The following ELOC variants were observed in gnomAD, a reference collection of about 807,000 sequenced individuals.
The protein encoded by ELOC is elongin-C.
For missense variants in ELOC, 38 were observed against 139.0 expected (o/e 0.27, Z 3.65); for synonymous variants, 40 against 51.3 (o/e 0.78, Z 0.94).
At chr8:73,968,235 C>T (rs532535078) in intron 1 of ELOC, among the ~76,000 whole-genome samples, 28 of 152,158 alleles carry the variant, frequency 1.8e-4, no homozygotes, top group Admixed American at 6.6e-4. Context: ...CAATTGGACT[C>T]AATTATGTCC....
Position 73,946,246 on chromosome 8 carries a change from A to G in ELOC, c.*384T>C, listed in dbSNP as rs1373311723. On this transcript the variant is annotated 3_prime_UTR_variant, in exon 4 of 4. Transcript: ENST00000520242. The stretch of plus-strand genomic sequence containing the variant: ...TAGTAATGCTAATGGCGGCTATAAG[A>G]TTAGGTTTCTAAAAAACCACTAAAA... 1 of 159,874 alleles carries G rather than the reference A, an allele frequency of 6.3e-6. No individual in the cohort carries two copies. Among genetic ancestry groups the G allele is most frequent in the Non-Finnish European group, 1.4e-5 (1 of 72,992 alleles). 9.9% of individuals were successfully genotyped at this position (159,874 alleles called of 1,614,324 possible). A position where few individuals can be genotyped will look rare whatever the true frequency, so the allele number is the denominator to read the frequency against.
Position 73,963,806 on chromosome 8 carries a change from G to A in ELOC, c.-50-3988C>T, listed in dbSNP as rs535561712. Among the ~76,000 whole-genome samples the A allele has an allele frequency of 4.6e-5, 7 of 152,210 alleles. No individual in the cohort carries two copies. The East Asian group carries it at 1.2e-3, about 25-fold the overall frequency. ...AGCTTAGACAGGTATAAAAATGCTT[G>A]ATGGGGCTGGGTGTGATGGCTCACG... On this transcript the variant is annotated intron_variant, in intron 1 of 3. Transcript: ENST00000520242.
At position 73,956,049 on chromosome 8, in the gene ELOC, C is replaced by T. The variant is rs751232384; in HGVS notation, c.10G>A (p.Glu4Lys). The T allele has an allele frequency of 6.2e-7, 1 of 1,611,708 alleles. No individual in the cohort carries two copies. The highest frequency in any genetic ancestry group is 8.5e-7 in the Non-Finnish European group (1 of 1,178,356). MDG[E>K]EKTYGGCEGP... The stretch of plus-strand genomic sequence containing the variant: ...TCACAGCCACCATAGGTTTTCTCCT[C>T]TCCATCTAAAGTAAAGTAAGTAGTG... The change falls in exon 3 of 4, where the codon GAG becomes AAG. Residue 4 changes from glutamate (E) to lysine (K), a missense_variant. Transcript: ENST00000520242.
At chr8:73,954,911 G>A (rs1222564018) in intron 3 of ELOC, among the ~76,000 whole-genome samples, 2 of 150,720 alleles carry the variant, frequency 1.3e-5, no homozygotes, top group South Asian at 2.1e-4. Flanking sequence ...GTAGGTGCCT[G>A]TAATCCCAGC....
intron 3 of ELOC, among the ~76,000 whole-genome samples, chr8:73,951,391 C>A (rs1214831385): frequency 6.6e-6 from 1 of 152,096 alleles, no homozygotes; most frequent in Admixed American, 6.5e-5. Context: ...TGTGGCCACA[C>A]ACAGTGGCTC....
intron 1 of ELOC, chr8:73,971,827 C>G (rs1316032232): frequency 3.9e-5 from 6 of 152,388 alleles, no homozygotes; most frequent in African/African-American, 1.4e-4. Flanking sequence ...AAGGCCCAGT[C>G]TCGCTGGCTG....
At position 73,945,965 on chromosome 8, in the gene ELOC, A is replaced by T. The variant is rs914701214; in HGVS notation, c.*665T>A. 2 of 152,226 alleles carry T rather than the reference A, an allele frequency of 1.3e-5. No individual in the cohort carries two copies. Among genetic ancestry groups the T allele is most frequent in the East Asian group, 3.8e-4 (2 of 5,200 alleles). 9.4% of individuals were successfully genotyped at this position (152,226 alleles called of 1,614,324 possible). A position where few individuals can be genotyped will look rare whatever the true frequency, so the allele number is the denominator to read the frequency against. On this transcript the variant is annotated 3_prime_UTR_variant, in exon 4 of 4. Transcript: ENST00000520242. ...AAATGTATAATGCACAAGAACTCTA[A>T]GTCATGTAGTTTACTTGCTGACCAT...
intron 2 of ELOC, among the ~76,000 whole-genome samples, chr8:73,956,641 C>T (rs1173294602): frequency 7.4e-6 from 1 of 135,308 alleles, no homozygotes; most frequent in African/African-American, 3.1e-5. Context: ...CAAAGCAGCC[C>T]ATTCAAATTT....
rs1814150590 is a variant in ELOC at position 73,955,983 on chromosome 8, C to T, written c.76G>A (p.Gly26Ser). The stretch of plus-strand genomic sequence containing the variant: ...TCTCTTTTTACAATAAATTCATGGC[C>T]ATCAGATGATATCAATTTGACATAC... ...AMYVKLISSD[G>S]HEFIVKREHA... Residue 26 changes from glycine to serine, a missense_variant, in exon 3 of 4, where the codon GGC becomes AGC. Transcript: ENST00000520242. 6.2e-7 allele frequency: 1 copy of T among 1,613,908 alleles called. No homozygotes were observed. The highest frequency in any genetic ancestry group is 8.5e-7 in the Non-Finnish European group (1 of 1,179,918).
chr8:73,946,038 C>T lies in ELOC; in HGVS notation c.*592G>A, dbSNP rs985696101. ...TGCAAAAGCTGTACCTAGTAACCTTCCAAAATTGTTTTTAAATAAAGTTCT... is the reference window on the plus strand; with the variant it reads ...TGCAAAAGCTGTACCTAGTAACCTTTCAAAATTGTTTTTAAATAAAGTTCT... On this transcript the variant is annotated 3_prime_UTR_variant, in exon 4 of 4. Coordinates refer to ENST00000520242, the MANE Select transcript of ELOC (RefSeq NM_005648.4). 3 of 151,296 alleles carry T rather than the reference C, an allele frequency of 2.0e-5. No individual in the cohort carries two copies. Among genetic ancestry groups the T allele is most frequent in the Admixed American group, 2.0e-4 (3 of 15,210 alleles). The allele number at this position is 151,296 out of a possible 1,614,324, so 9.4% of individuals were successfully genotyped here.
At chr8:73,946,844 T>A (rs375930903) in intron 3 of ELOC, 24 bp from the exon 4 acceptor site, 21 of 1,591,378 alleles carry the variant, frequency 1.3e-5, no homozygotes, top group African/African-American at 1.3e-5. Flanking sequence ...GAATTATGTA[T>A]GTTATTGGCT....
At chr8:73,953,778 T>C (rs1813945240) in intron 3 of ELOC, among the ~76,000 whole-genome samples, 1 of 151,562 alleles carries the variant, frequency 6.6e-6, no homozygotes, top group Non-Finnish European at 1.5e-5. Context: ...CGTGAAACAG[T>C]TCTGTGGCTC....
chr8:73,953,690 A>G (rs747328596), intron 3 of ELOC, among the ~76,000 whole-genome samples: 11 of 152,130 alleles, frequency 7.2e-5, no homozygotes, highest in Non-Finnish European at 1.3e-4. Flanking sequence ...ACAAAAAACA[A>G]TAACAAATAT....
intron 1 of ELOC, among the ~76,000 whole-genome samples, chr8:73,963,026 CA>C: frequency 6.6e-6 from 1 of 152,088 alleles, no homozygotes; most frequent in East Asian, 1.9e-4. Flanking sequence ...ATGAATTGGG[CA>C]GGTAAAAGCC....
intron 1 of ELOC, among the ~76,000 whole-genome samples, chr8:73,968,865 T>C (rs1815170095): frequency 6.6e-6 from 1 of 152,236 alleles, no homozygotes; most frequent in Non-Finnish European, 1.5e-5. Context: ...TTAATCCTCA[T>C]TTAGCAGTGT....
rs1319322546 is a variant in ELOC at position 73,959,771 on chromosome 8, T to G, written c.-3A>C. 6.4e-7 allele frequency: 1 copy of G among 1,555,856 alleles called. No individual in the cohort carries two copies. The highest frequency in any genetic ancestry group is 1.9e-5 in the Admixed American group (1 of 51,884). On this transcript the variant is annotated 5_prime_UTR_variant, in exon 2 of 4. Coordinates refer to ENST00000520242, the MANE Select transcript of ELOC (RefSeq NM_005648.4). ...TTAATTATCTTTAGCTTACCCATTT[T>G]GTTCTTATGAAATTCTACTTTGCTT...
chr8:73,965,149 T>TAG (rs1342579159), intron 1 of ELOC, among the ~76,000 whole-genome samples: 2 of 151,376 alleles, frequency 1.3e-5, no homozygotes, highest in African/African-American at 4.9e-5. Flanking sequence ...GATTTGCATC[T>TAG]AGAGTAAATT....
Position 73,955,872 on chromosome 8 carries a change from A to T in ELOC, c.148+39T>A, listed in dbSNP as rs757656925. The T allele has an allele frequency of 1.6e-5, 25 of 1,565,934 alleles. 1 individual carries two copies. Among genetic ancestry groups the T allele is most frequent in the Non-Finnish European group, 1.4e-5 (16 of 1,152,230 alleles). On this transcript the variant is annotated intron_variant, in intron 3 of 3. Coordinates refer to ENST00000520242, the MANE Select transcript of ELOC (RefSeq NM_005648.4). ...ACTTAAAAACATCCATCAAACATTA[A>T]AAGTGAATATATGAAGAAAAAGACA...
intron 2 of ELOC, among the ~76,000 whole-genome samples, chr8:73,959,306 T>C (rs1385836558): frequency 1.3e-5 from 2 of 152,206 alleles, no homozygotes; most frequent in African/African-American, 4.8e-5. Flanking sequence ...CCTGGGCTCA[T>C]TCAAGCAACT....
Sources: allele counts gnomAD v4.1 joint callset (sites outside exome capture counted in the v4.1 genomes callset), GRCh38; gene constraint gnomAD v4.1.1; transcripts MANE v1.5; gene names NCBI Gene and HGNC (gene_info 2026-07-23, HGNC 2026-07-21).